Variants in BMPR1B observed in about 807,000 individuals in gnomAD.
BMPR1B encodes bone morphogenetic protein receptor type-1B.
A neutral mutation model predicts 59.1 loss-of-function variants in BMPR1B; 12 were observed. That is an observed-to-expected ratio of 0.20 (90% CI 0.13 to 0.33). The LOEUF (loss-of-function observed/expected upper bound fraction) is 0.33, where lower values mean the gene tolerates loss of function less well. Among genes scored for constraint, BMPR1B ranks in the 10% least tolerant of loss-of-function variants. BMPR1B has a pLI of 1.00. For missense variants in BMPR1B, 550 were observed against 610.9 expected (o/e 0.90, Z 1.05); for synonymous variants, 237 against 207.3 (o/e 1.14, Z -1.23).
chr4:95,064,155 G>A (rs1727624876), intron 3 of BMPR1B, among the ~76,000 whole-genome samples: 2 of 151,954 alleles, frequency 1.3e-5, no homozygotes, highest in South Asian at 4.2e-4. Context: ...GACACCAAAA[G>A]CAAAAGCAAT....
intron 1 of BMPR1B, among the ~76,000 whole-genome samples, chr4:94,852,119 C>T (rs1725591108): frequency 6.6e-6 from 1 of 152,098 alleles, no homozygotes; most frequent in South Asian, 2.1e-4. Flanking sequence ...TTATTTCTTA[C>T]AAATACAAAA....
At chr4:94,770,182 G>GGTTTTTTTTTTTTTTTTT (rs1722124953) in intron 1 of BMPR1B, among the ~76,000 whole-genome samples, 1 of 40,016 alleles carries the variant, frequency 2.5e-5, no homozygotes, top group Non-Finnish European at 4.9e-5. Context: ...TCGTTTCTGT[G>GGTTTTTTTTTTTTTTTTT]TTTGTTTTTT....
intron 3 of BMPR1B, among the ~76,000 whole-genome samples, chr4:95,046,896 T>C (rs1461038713): frequency 6.6e-6 from 1 of 152,196 alleles, no homozygotes; most frequent in Non-Finnish European, 1.5e-5. Flanking sequence ...AAAGATGTAA[T>C]TGAAATAGAA....
chr4:94,828,887 T>C (rs1338481585), intron 1 of BMPR1B, among the ~76,000 whole-genome samples: 1 of 152,146 alleles, frequency 6.6e-6, no homozygotes, highest in African/African-American at 2.4e-5. Flanking sequence ...GAGCTAATCA[T>C]TTAAAAATAT....
chr4:94,811,053 T>TATTA lies in BMPR1B; in HGVS notation c.-183+52989_-183+52992dup, dbSNP rs1723793771. Among the ~76,000 whole-genome samples the TATTA allele has an allele frequency of 2.0e-5, 3 of 152,352 alleles. No homozygotes were observed. In the South Asian group the frequency reaches 6.2e-4, roughly 32 times the overall value. ...AAAGAATGATGAATTAGTGTTCTCA[T>TATTA]ATTAATTTTCTGATTCAGTGACTAT... On this transcript the variant is annotated intron_variant, in intron 1 of 12. Coordinates refer to ENST00000515059, the MANE Select transcript of BMPR1B (RefSeq NM_001203.3).
intron 1 of BMPR1B, among the ~76,000 whole-genome samples, chr4:94,789,919 A>ACCT (rs1278658504): frequency 6.6e-6 from 1 of 151,996 alleles, no homozygotes; most frequent in Non-Finnish European, 1.5e-5. Context: ...TTGCTCCTCT[A>ACCT]CCTCCTCCTC....
At chr4:94,975,697 A>G (rs1731006553) in intron 2 of BMPR1B, among the ~76,000 whole-genome samples, 1 of 152,154 alleles carries the variant, frequency 6.6e-6, no homozygotes, top group African/African-American at 2.4e-5. Flanking sequence ...ATGGTATTAA[A>G]AAGAAGATGA....
intron 1 of BMPR1B, among the ~76,000 whole-genome samples, chr4:94,833,998 G>A (rs1724702016): frequency 6.6e-6 from 1 of 152,178 alleles, no homozygotes; most frequent in Non-Finnish European, 1.5e-5. Flanking sequence ...GTAGTGTGAT[G>A]TTTGGTTTTG....
intron 1 of BMPR1B, among the ~76,000 whole-genome samples, chr4:94,801,875 GTTAACAGTTAA>G (rs1166854602): frequency 6.6e-6 from 1 of 152,052 alleles, no homozygotes; most frequent in African/African-American, 2.4e-5. Context: ...ATTTGAGAGA[GTTAACAGTTAA>G]TTAACAGTTA....
At chr4:94,931,355 G>T (rs544614344) in intron 2 of BMPR1B, among the ~76,000 whole-genome samples, 1 of 152,024 alleles carries the variant, frequency 6.6e-6, no homozygotes, top group Non-Finnish European at 1.5e-5. Flanking sequence ...TATACACGTC[G>T]TGGACTTTTA....
chr4:95,145,350 T>C (rs1734565803), intron 10 of BMPR1B, among the ~76,000 whole-genome samples: 2 of 152,222 alleles, frequency 1.3e-5, no homozygotes, highest in African/African-American at 4.8e-5. Context: ...ATCTATCTTT[T>C]CTTGTCAACC....
intron 4 of BMPR1B, among the ~76,000 whole-genome samples, chr4:95,109,190 ACTT>A (rs1245910941): frequency 6.6e-6 from 1 of 152,114 alleles, no homozygotes; most frequent in East Asian, 1.9e-4. Context: ...AATCTTTAAT[ACTT>A]CTTTACTTAT....
At chr4:94,997,247 T>C (rs1047243831) in intron 3 of BMPR1B, among the ~76,000 whole-genome samples, 1 of 152,192 alleles carries the variant, frequency 6.6e-6, no homozygotes, top group African/African-American at 2.4e-5. Context: ...GTACTACATA[T>C]TTAAGTTAAA....
intron 2 of BMPR1B, among the ~76,000 whole-genome samples, chr4:94,943,402 G>A (rs1021258323): frequency 5.9e-5 from 9 of 152,262 alleles, no homozygotes; most frequent in African/African-American, 2.2e-4. Context: ...GGGATTACAG[G>A]CGTGAGCCAC....
intron 3 of BMPR1B, among the ~76,000 whole-genome samples, chr4:95,069,396 C>T (rs999013840): frequency 1.3e-5 from 2 of 152,248 alleles, no homozygotes; most frequent in South Asian, 2.1e-4. Flanking sequence ...CAAACTGGCA[C>T]CTGTTACTCT....
At chr4:94,849,750 T>C (rs997070612) in intron 1 of BMPR1B, among the ~76,000 whole-genome samples, 5 of 151,464 alleles carry the variant, frequency 3.3e-5, no homozygotes, top group African/African-American at 9.7e-5. Flanking sequence ...TGCAGGTTGG[T>C]AATTAGATGT....
chr4:95,006,848 G>C (rs1722878519), intron 3 of BMPR1B, among the ~76,000 whole-genome samples: 1 of 151,918 alleles, frequency 6.6e-6, no homozygotes, highest in Non-Finnish European at 1.5e-5. Flanking sequence ...CCTACCTTCT[G>C]ATTCTTAAAA....
intron 1 of BMPR1B, among the ~76,000 whole-genome samples, chr4:94,769,628 A>G (rs940222948): frequency 6.6e-6 from 1 of 150,886 alleles, no homozygotes; most frequent in Non-Finnish European, 1.5e-5. Context: ...AAAAAAATTG[A>G]CAGATGATAC....
intron 3 of BMPR1B, among the ~76,000 whole-genome samples, chr4:95,062,717 A>G (rs569582455): frequency 6.6e-6 from 1 of 152,304 alleles, no homozygotes; most frequent in African/African-American, 2.4e-5. Context: ...ATTGTAGGAT[A>G]TCACTTGTAC....
Sources: allele counts gnomAD v4.1 joint callset (sites outside exome capture counted in the v4.1 genomes callset), GRCh38; gene constraint gnomAD v4.1.1; transcripts MANE v1.5; gene names NCBI Gene and HGNC (gene_info 2026-07-23, HGNC 2026-07-21).